Variants in ZNRF3 observed in about 807,000 individuals in gnomAD.
ZNRF3 encodes E3 ubiquitin-protein ligase ZNRF3.
ZNRF3 carries 23 observed loss-of-function variants against 72.5 expected under a neutral mutation model. The observed-to-expected ratio is 0.32, with a 90% CI of 0.23 to 0.45. ZNRF3 has a LOEUF of 0.45. Among genes scored for constraint, ZNRF3 ranks in the 20% least tolerant of loss-of-function variants. The probability of loss-of-function intolerance (pLI) is 1.00; values close to 1 mark genes in which losing one functional copy is unlikely to be tolerated. For missense variants in ZNRF3, 1,169 were observed against 1,272.1 expected (o/e 0.92, Z 1.23); for synonymous variants, 610 against 545.3 (o/e 1.12, Z -1.65).
In ZNRF3 at chr22:28,883,904, G is replaced by A. The variant is rs924664128; in HGVS notation, c.138G>A (p.Ala46=). ...PLPLLLGLLL[A]AAGPGAARAK... ...CGCTGCTGCTCGGGCTGCTGCTGGC[G>A]GCCGCGGGGCCCGGCGCGGCGCGGG... Residue 46 remains alanine, a synonymous_variant, in exon 1 of 9, where the codon GCG becomes GCA. Transcript: ENST00000544604. This position sits in a 1 kb window ranked among gnomAD's most constrained non-coding sequence, Gnocchi z 5.5. 9 of 1,141,202 alleles carry A rather than the reference G, an allele frequency of 7.9e-6. No homozygotes were observed. Among genetic ancestry groups the A allele is most frequent in the Middle Eastern group, 3.7e-4 (1 of 2,730 alleles). The allele number at this position is 1,141,202 out of a possible 1,614,324, so 70.7% of individuals were successfully genotyped here.
In ZNRF3 at chr22:28,935,171, T is replaced by C. The variant is rs2034797339; in HGVS notation, c.300+51105T>C. Among the ~76,000 whole-genome samples, 3 of 152,350 alleles carry C rather than the reference T, an allele frequency of 2.0e-5. No individual in the cohort carries two copies. The South Asian group carries it at 6.2e-4, about 32-fold the overall frequency. On this transcript the variant is annotated intron_variant, in intron 1 of 8. Transcript: ENST00000544604. ...TGGTTCTGGATTCTTCCTTTCTTTT[T>C]CTCTTAATAGGGCTTGTCTAGGATG...
At chr22:28,967,138 T>C (rs540531758) in intron 1 of ZNRF3, among the ~76,000 whole-genome samples, 2 of 152,322 alleles carry the variant, frequency 1.3e-5, no homozygotes, top group Admixed American at 1.3e-4. Context: ...CACCTTGGCC[T>C]CCCAGAGTGC....
At chr22:28,914,966 T>A (rs887229791) in intron 1 of ZNRF3, among the ~76,000 whole-genome samples, 2 of 152,162 alleles carry the variant, frequency 1.3e-5, no homozygotes, top group South Asian at 4.1e-4. Context: ...TAGCCTTAGT[T>A]CAGGACCCAT....
At chr22:29,014,443 A>T (rs1305949732) in intron 2 of ZNRF3, among the ~76,000 whole-genome samples, 1 of 152,152 alleles carries the variant, frequency 6.6e-6, no homozygotes, top group Non-Finnish European at 1.5e-5. Flanking sequence ...CTGAACCAAG[A>T]GCAGTTCAGC....
At chr22:29,042,699 C>A in intron 3 of ZNRF3, 130 bp downstream of exon 3, 1 of 819,366 alleles carries the variant, frequency 1.2e-6, no homozygotes, top group Non-Finnish European at 1.9e-6. Context: ...AGTTAGGTGT[C>A]CATGTTTGGA....
intron 2 of ZNRF3, among the ~76,000 whole-genome samples, chr22:28,994,740 G>A (rs565785018): frequency 6.6e-6 from 1 of 152,242 alleles, no homozygotes; most frequent in African/African-American, 2.4e-5. Flanking sequence ...TTCATGTTAT[G>A]TATATTTTAC....
chr22:28,921,708 G>C (rs1453266512), intron 1 of ZNRF3, among the ~76,000 whole-genome samples: 1 of 152,268 alleles, frequency 6.6e-6, no homozygotes, highest in Middle Eastern at 3.4e-3. Context: ...GAACTGCTTC[G>C]TATTCCCCTC....
intron 1 of ZNRF3, among the ~76,000 whole-genome samples, chr22:28,973,928 G>A (rs1255219107): frequency 3.3e-5 from 5 of 149,724 alleles, no homozygotes; most frequent in Non-Finnish European, 5.9e-5. Context: ...AATATTGTGG[G>A]AAAGGAATGC....
chr22:29,040,917 C>T (rs541252416), intron 2 of ZNRF3, among the ~76,000 whole-genome samples: 47 of 152,286 alleles, frequency 3.1e-4, no homozygotes, highest in Admixed American at 1.1e-3. Flanking sequence ...GGCAACTTTG[C>T]TTTCTCACGC....
chr22:28,963,851 T>C (rs2035409652), intron 1 of ZNRF3, among the ~76,000 whole-genome samples: 1 of 152,104 alleles, frequency 6.6e-6, no homozygotes, highest in African/African-American at 2.4e-5. Context: ...TTGGTTTCAT[T>C]AAAGCCACTC....
intron 2 of ZNRF3, among the ~76,000 whole-genome samples, chr22:28,991,098 A>G (rs887278276): frequency 1.3e-5 from 2 of 151,802 alleles, no homozygotes; most frequent in Non-Finnish European, 2.9e-5. Flanking sequence ...CCTGGGCAAC[A>G]TGGCAAAACA....
At chr22:28,905,439 C>G (rs142188622) in intron 1 of ZNRF3, among the ~76,000 whole-genome samples, 7 of 152,196 alleles carry the variant, frequency 4.6e-5, no homozygotes, top group Non-Finnish European at 8.8e-5. Context: ...GACTTCTTGG[C>G]TGAAAATAAC....
intron 2 of ZNRF3, among the ~76,000 whole-genome samples, chr22:28,991,948 G>A (rs1366406142): frequency 2.0e-5 from 3 of 151,760 alleles, no homozygotes; most frequent in Admixed American, 6.6e-5. Context: ...TTCAAGACCA[G>A]TTTGGGCAAC....
At chr22:28,906,938 C>A (rs1382415871) in intron 1 of ZNRF3, among the ~76,000 whole-genome samples, 1 of 152,102 alleles carries the variant, frequency 6.6e-6, no homozygotes, top group Non-Finnish European at 1.5e-5. Context: ...TTAATTGCCA[C>A]CTGAAGAAAG....
chr22:29,035,850 G>T (rs2036857002), intron 2 of ZNRF3, among the ~76,000 whole-genome samples: 1 of 152,134 alleles, frequency 6.6e-6, no homozygotes, highest in Non-Finnish European at 1.5e-5. Flanking sequence ...AAAGTGCTCG[G>T]ATTACAGGTG....
chr22:29,045,071 GC>G (rs1569294356), intron 5 of ZNRF3, among the ~76,000 whole-genome samples, 181 bp downstream of exon 5: 1 of 151,932 alleles, frequency 6.6e-6, no homozygotes, highest in African/African-American at 2.4e-5. Context: ...AAAAATAAGA[GC>G]AAACTAGGCC....
At chr22:28,999,944 A>G (rs2036114947) in intron 2 of ZNRF3, among the ~76,000 whole-genome samples, 1 of 152,230 alleles carries the variant, frequency 6.6e-6, no homozygotes. Context: ...CTGCAGAGAC[A>G]TGCAATTACT....
chr22:29,041,850 T>C (rs996219706), intron 2 of ZNRF3, among the ~76,000 whole-genome samples: 15 of 152,110 alleles, frequency 9.9e-5, no homozygotes, highest in African/African-American at 3.6e-4. Flanking sequence ...CAATATATTC[T>C]TCTAACTGGG....
chr22:28,937,199 ATATATATATATATATATTTTTT>A (rs1411698317), intron 1 of ZNRF3, among the ~76,000 whole-genome samples: 3 of 6,206 alleles, frequency 4.8e-4, no homozygotes, highest in African/African-American at 1.3e-3. Context: ...ATATATATAT[ATATATATATATATATATTTTTT>A]TTTTTTTTTT....
Sources: gnomAD v4.1 joint callset for allele counts (sites outside exome capture counted in the v4.1 genomes callset) on GRCh38, gnomAD v4.1.1 for gene constraint, Gnocchi (gnomAD v3.1) non-coding constraint, MANE v1.5 for transcripts, NCBI Gene and HGNC (gene_info 2026-07-23, HGNC 2026-07-21) for gene names.